The following SS18 variants were observed in gnomAD, a reference collection of about 807,000 sequenced individuals.
SS18 encodes SS18 subunit of BAF chromatin remodeling complex.
A neutral mutation model predicts 72.5 loss-of-function variants in SS18; 28 were observed. The observed-to-expected ratio is 0.39, with a 90% CI of 0.29 to 0.53. The LOEUF (loss-of-function observed/expected upper bound fraction) is 0.53, where lower values mean the gene tolerates loss of function less well. Ranked by LOEUF, SS18 falls within the 20% of genes least tolerant of loss-of-function variation. The pLI is 0.76. For missense variants in SS18, 518 were observed against 535.3 expected (o/e 0.97, Z 0.32); for synonymous variants, 172 against 164.2 (o/e 1.05, Z -0.37).
At position 26,016,551 on chromosome 18, in the gene SS18, C is replaced by T. The variant is rs1184225289; in HGVS notation, c.*1803G>A. 39 of 181,212 alleles carry T rather than the reference C, an allele frequency of 2.2e-4. No individual in the cohort carries two copies. The highest frequency in any genetic ancestry group is 2.0e-3 in the Middle Eastern group (1 of 498). The allele number at this position is 181,212 out of a possible 1,614,324, so 11.2% of individuals were successfully genotyped here. On this transcript the variant is annotated 3_prime_UTR_variant, in exon 11 of 11. Coordinates refer to ENST00000415083, the MANE Select transcript of SS18 (RefSeq NM_001007559.3). Reference sequence around the variant, plus strand: ...CAGCCTGGCCAACATGGCGAAACCTCGTCTCTACTAAAAGTACAAAAATTA... The same window carrying T: ...CAGCCTGGCCAACATGGCGAAACCTTGTCTCTACTAAAAGTACAAAAATTA...
At chr18:26,073,527 G>A (rs1191217438) in intron 3 of SS18, among the ~76,000 whole-genome samples, 2 of 152,186 alleles carry the variant, frequency 1.3e-5, no homozygotes, top group African/African-American at 4.8e-5. Context: ...TTTATGCTAA[G>A]TGCACATTTA....
rs1409818256 is a variant in SS18, at chr18:26,042,306, C to CT, written c.608-2851dup. Among the ~76,000 whole-genome samples, 9 of 152,090 alleles carry CT rather than the reference C, an allele frequency of 5.9e-5. 1 individual carries two copies. Among genetic ancestry groups the CT allele is most frequent in the Admixed American group, 5.9e-4 (9 of 15,272 alleles). ...CAATGGTATCATACATTACTACAGA[C>CT]TTTAAGGTTATTCTTCATCTTTTAC... On this transcript the variant is annotated intron_variant, in intron 5 of 10. Coordinates refer to ENST00000415083, the MANE Select transcript of SS18 (RefSeq NM_001007559.3).
intron 1 of SS18, among the ~76,000 whole-genome samples, chr18:26,088,731 A>C (rs532279914): frequency 1.3e-5 from 2 of 152,330 alleles, no homozygotes; most frequent in South Asian, 4.1e-4. Flanking sequence ...CAAGGGACTC[A>C]GGATATGCTC....
chr18:26,078,231 TA>T, intron 2 of SS18, 71 bp from the exon 3 acceptor site: 1 of 1,048,834 alleles, frequency 9.5e-7, no homozygotes, highest in Admixed American at 2.3e-5. Context: ...CAAACAGCAC[TA>T]TAATCATTTC....
At chr18:26,038,405 T>C (rs749258534) in intron 7 of SS18, 150 bp downstream of exon 7, 8 of 641,712 alleles carry the variant, frequency 1.2e-5, no homozygotes, top group African/African-American at 1.8e-5. Flanking sequence ...ACTAATGCTA[T>C]CATTGGTACT....
intron 5 of SS18, among the ~76,000 whole-genome samples, chr18:26,042,556 CA>C (rs1227607578): frequency 6.6e-6 from 1 of 150,578 alleles, no homozygotes; most frequent in Non-Finnish European, 1.5e-5. Flanking sequence ...AAAAACCTCC[CA>C]AATTACCATA....
intron 4 of SS18, among the ~76,000 whole-genome samples, chr18:26,054,760 G>A (rs2053986926): frequency 6.9e-6 from 1 of 145,102 alleles, no homozygotes; most frequent in Non-Finnish European, 1.5e-5. Flanking sequence ...TTTTTTTTGA[G>A]ACGGAGTCTC....
intron 4 of SS18, among the ~76,000 whole-genome samples, chr18:26,056,187 G>A (rs929603138): frequency 2.0e-5 from 3 of 152,184 alleles, no homozygotes; most frequent in Non-Finnish European, 4.4e-5. Flanking sequence ...AAAATGTCAT[G>A]TTAACCATAA....
At chr18:26,054,097 T>C (rs1044453000) in intron 4 of SS18, among the ~76,000 whole-genome samples, 1 of 152,166 alleles carries the variant, frequency 6.6e-6, no homozygotes, top group African/African-American at 2.4e-5. Context: ...CATCTCTACA[T>C]TACATGTACT....
At chr18:26,069,750 C>G (rs56329299) in intron 3 of SS18, among the ~76,000 whole-genome samples, 1 of 152,230 alleles carries the variant, frequency 6.6e-6, no homozygotes, top group Non-Finnish European at 1.5e-5. Context: ...GAACTATTTT[C>G]TCCCCAAGTT....
chr18:26,085,702 TA>T (rs1325048356), intron 2 of SS18, among the ~76,000 whole-genome samples: 1 of 152,212 alleles, frequency 6.6e-6, no homozygotes, highest in Non-Finnish European at 1.5e-5. Flanking sequence ...CAGTGGCATG[TA>T]AAAGGTGACT....
chr18:26,058,521 T>C (rs993233822), intron 3 of SS18, among the ~76,000 whole-genome samples: 9 of 152,238 alleles, frequency 5.9e-5, no homozygotes, highest in Admixed American at 2.0e-4. Context: ...GCATTATTCT[T>C]TACTTCGATG....
chr18:26,026,883 C>G (rs1227525686), intron 10 of SS18, among the ~76,000 whole-genome samples: 1 of 151,910 alleles, frequency 6.6e-6, no homozygotes, highest in Non-Finnish European at 1.5e-5. Context: ...ACAATAGCAT[C>G]AAAACACATA....
chr18:26,085,233 A>G (rs1428093048), intron 2 of SS18, among the ~76,000 whole-genome samples: 1 of 152,118 alleles, frequency 6.6e-6, no homozygotes, highest in East Asian at 1.9e-4. Context: ...AACAGTTATC[A>G]CTGTTGCCCA....
At chr18:26,022,820 C>T (rs1224565836) in intron 10 of SS18, among the ~76,000 whole-genome samples, 1 of 152,170 alleles carries the variant, frequency 6.6e-6, no homozygotes, top group African/African-American at 2.4e-5. Context: ...AGGCAAGAAA[C>T]ACCCAAAAGG....
intron 10 of SS18, among the ~76,000 whole-genome samples, chr18:26,021,042 A>G (rs898200284): frequency 1.3e-5 from 2 of 152,190 alleles, no homozygotes; most frequent in African/African-American, 4.8e-5. Context: ...AGAAGAAGAA[A>G]TGGAGGCACT....
chr18:26,071,520 T>C (rs2054309361), intron 3 of SS18, among the ~76,000 whole-genome samples: 1 of 152,196 alleles, frequency 6.6e-6, no homozygotes, highest in Non-Finnish European at 1.5e-5. Context: ...GTATCTGTCC[T>C]TGGAAAATAT....
intron 3 of SS18, among the ~76,000 whole-genome samples, chr18:26,073,715 G>T (rs2054357677): frequency 6.6e-6 from 1 of 152,110 alleles, no homozygotes; most frequent in Admixed American, 6.6e-5. Flanking sequence ...AAATTATTTT[G>T]TAAATTCTCC....
Position 26,045,801 on chromosome 18 carries a change from C to G in SS18, c.608-6345G>C, listed in dbSNP as rs185880500. On this transcript the variant is annotated intron_variant, in intron 5 of 10. Transcript: ENST00000415083. ...ATTCCATGGCCTTTAAAATTTTGGT[C>G]AAAACACTGAAAACTCTATTACTGT... Among the ~76,000 whole-genome samples the G allele has an allele frequency of 2.2e-3, 337 of 152,108 alleles. 2 individuals are homozygous for G. The highest frequency in any genetic ancestry group is 0.017 in the Middle Eastern group (5 of 294).
Sources: gnomAD v4.1 joint callset for allele counts (sites outside exome capture counted in the v4.1 genomes callset) on GRCh38, gnomAD v4.1.1 for gene constraint, MANE v1.5 for transcripts, NCBI Gene and HGNC (gene_info 2026-07-23, HGNC 2026-07-21) for gene names.